SEMA5B: variants seen among roughly 807,000 people sequenced by gnomAD.
The protein encoded by SEMA5B is semaphorin-5B.
A neutral mutation model predicts 135.0 loss-of-function variants in SEMA5B; 66 were observed. The observed-to-expected ratio is 0.49, with a 90% confidence interval of 0.40 to 0.60. The LOEUF is 0.60. Ranked by LOEUF, SEMA5B falls within the 20% of genes least tolerant of loss-of-function variation. The probability of loss-of-function intolerance (pLI) is 0.00; values close to 1 mark genes in which losing one functional copy is unlikely to be tolerated. For synonymous variants in SEMA5B, 690 were observed against 639.5 expected, an observed-to-expected ratio of 1.08 and a Z score of -1.19; for missense variants, 1,501 against 1,566.3, an observed-to-expected ratio of 0.96 and a Z score of 0.70.
chr3:123,005,465 G>A (rs1320041903), intron 1 of SEMA5B, among the ~76,000 whole-genome samples: 1 of 152,180 alleles, frequency 6.6e-6, no homozygotes, highest in African/African-American at 2.4e-5. Context: ...GGGCTCAAGT[G>A]ATCCTCTCAC....
At chr3:122,950,781 A>G (rs1447279043) in intron 2 of SEMA5B, among the ~76,000 whole-genome samples, 2 of 152,244 alleles carry the variant, frequency 1.3e-5, no homozygotes, top group Non-Finnish European at 2.9e-5. Flanking sequence ...TGACTTACGA[A>G]TGAGATTGTT....
chr3:122,922,488 G>T (rs1290614913), intron 10 of SEMA5B, 41 bp from the exon 11 acceptor site: 1 of 1,535,138 alleles, frequency 6.5e-7, no homozygotes, highest in South Asian at 1.2e-5. Flanking sequence ...CGGCCACCAG[G>T]GCTGCCGCCA....
At position 122,930,553 on chromosome 3, in the gene SEMA5B, C is replaced by T. The variant is rs531675971; in HGVS notation, c.475-1495G>A. Among the ~76,000 whole-genome samples, 12 of 152,352 alleles carry T rather than the reference C, an allele frequency of 7.9e-5. No individual in the cohort carries two copies. In the South Asian group the frequency reaches 2.1e-3, roughly 26 times the overall value. ...GCCACAAACATTGCAGTTGTGCAGG[C>T]CAAAAGCCCCGGACGGTGGGCGGCT... On this transcript the variant is annotated intron_variant, in intron 5 of 22. Coordinates refer to ENST00000357599, the MANE Select transcript of SEMA5B (RefSeq NM_001031702.4).
intron 1 of SEMA5B, among the ~76,000 whole-genome samples, chr3:122,995,943 G>C (rs1300719572): frequency 6.6e-6 from 1 of 152,248 alleles, no homozygotes; most frequent in African/African-American, 2.4e-5. Flanking sequence ...ACGTTGATGG[G>C]TCAAGGGCTG....
chr3:122,986,716 T>C (rs575812996), intron 1 of SEMA5B, among the ~76,000 whole-genome samples: 5 of 151,480 alleles, frequency 3.3e-5, no homozygotes, highest in East Asian at 3.9e-4. Flanking sequence ...CACACACACA[T>C]ACAAACATGC....
intron 2 of SEMA5B, among the ~76,000 whole-genome samples, chr3:122,959,736 A>G (rs998584977): frequency 6.6e-6 from 1 of 152,206 alleles, no homozygotes; most frequent in African/African-American, 2.4e-5. Context: ...CCTGCCTCAT[A>G]GAGTAGTAGT....
At chr3:122,985,492 T>C (rs78609269) in intron 1 of SEMA5B, among the ~76,000 whole-genome samples, 1,581 of 150,648 alleles carry the variant, frequency 0.01, 22 homozygotes, top group African/African-American at 0.036. Context: ...TGATACAGTG[T>C]CTCTTAAAAA....
At chr3:122,922,969 G>A (rs747730610) in intron 10 of SEMA5B, among the ~76,000 whole-genome samples, 1 of 152,170 alleles carries the variant, frequency 6.6e-6, no homozygotes, top group Non-Finnish European at 1.5e-5. Context: ...TTCCAGATAA[G>A]GAAAAGGAGA....
At chr3:122,976,381 C>T (rs895078) in intron 1 of SEMA5B, among the ~76,000 whole-genome samples, 14,575 of 151,992 alleles carry the variant, frequency 0.096, 747 homozygotes, top group Middle Eastern at 0.17. Flanking sequence ...GGTACCTGTA[C>T]CCTACAGGTG....
intron 21 of SEMA5B, 165 bp downstream of exon 21, chr3:122,911,326 G>T: frequency 6.6e-7 from 1 of 1,524,120 alleles, no homozygotes; most frequent in Non-Finnish European, 8.8e-7. Flanking sequence ...GCTGGGGGGG[G>T]CATGGAGGGA....
At chr3:122,937,839 A>G (rs1302478311) in intron 5 of SEMA5B, among the ~76,000 whole-genome samples, 1 of 152,174 alleles carries the variant, frequency 6.6e-6, no homozygotes. Flanking sequence ...TCATCTGCAC[A>G]CCACAGGAAC....
chr3:122,954,819 G>T (rs1373189652), intron 2 of SEMA5B, among the ~76,000 whole-genome samples: 3 of 147,738 alleles, frequency 2.0e-5, no homozygotes, highest in Non-Finnish European at 3.0e-5. Context: ...TTTGAGACAG[G>T]GTCTCACTTT....
chr3:122,948,444 T>A, intron 3 of SEMA5B, 62 bp downstream of exon 3: 2 of 1,431,760 alleles, frequency 1.4e-6, no homozygotes, highest in Non-Finnish European at 9.5e-7. Context: ...TGCCAAGGTC[T>A]GACCTAAGTC....
chr3:122,954,926 G>A (rs1176764900), intron 2 of SEMA5B, among the ~76,000 whole-genome samples: 2 of 151,346 alleles, frequency 1.3e-5, no homozygotes, highest in African/African-American at 4.9e-5. Flanking sequence ...CAGAGTAGCT[G>A]GGACTACAGG....
intron 1 of SEMA5B, among the ~76,000 whole-genome samples, chr3:123,000,256 A>G (rs913091766): frequency 3.9e-5 from 6 of 152,298 alleles, no homozygotes; most frequent in African/African-American, 1.4e-4. Context: ...CCCGAAGGAT[A>G]GAATAGGGCA....
chr3:122,966,793 C>T (rs1481099234), intron 1 of SEMA5B, among the ~76,000 whole-genome samples: 4 of 150,222 alleles, frequency 2.7e-5, no homozygotes, highest in Non-Finnish European at 4.4e-5. Context: ...CTCCTGACCT[C>T]GTGATCTGCC....
chr3:122,926,563 C>T lies in SEMA5B; in HGVS notation c.965G>A (p.Cys322Tyr). Reference sequence around the variant, plus strand: ...GAATCGGCCCCCCACGTCATTCTTGCACACGCGGGCCACGCGAGAGTACAC... The same window carrying T: ...GAATCGGCCCCCCACGTCATTCTTGTACACGCGGGCCACGCGAGAGTACAC... ...RTVYSRVARV[C>Y]KNDVGGRFLL... Residue 322 changes from cysteine (C) to tyrosine (Y), a missense_variant, in exon 9 of 23, where the codon TGC becomes TAC. Cys to Tyr is a radical substitution (Grantham distance 194). Transcript: ENST00000357599. 1 of 1,614,184 alleles carries T rather than the reference C, an allele frequency of 6.2e-7. No homozygotes were observed. The highest frequency in any genetic ancestry group is 8.5e-7 in the Non-Finnish European group (1 of 1,180,030).
intron 1 of SEMA5B, among the ~76,000 whole-genome samples, chr3:122,969,474 G>A (rs1040321565): frequency 1.3e-5 from 2 of 152,152 alleles, no homozygotes; most frequent in African/African-American, 2.4e-5. Context: ...GTCCTATCCC[G>A]TGCTGTGTCC....
At chr3:122,974,391 C>T (rs540868936) in intron 1 of SEMA5B, among the ~76,000 whole-genome samples, 2 of 152,362 alleles carry the variant, frequency 1.3e-5, no homozygotes, top group South Asian at 2.1e-4. Context: ...TACGTGGGTG[C>T]ACACTCGCCT....
Sources: allele counts gnomAD v4.1 joint callset (sites outside exome capture counted in the v4.1 genomes callset), GRCh38; gene constraint gnomAD v4.1.1; transcripts MANE v1.5; gene names NCBI Gene and HGNC (gene_info 2026-07-23, HGNC 2026-07-21).